CHRM3: variants seen among roughly 807,000 people sequenced by gnomAD.
CHRM3 encodes the protein cholinergic receptor muscarinic 3.
CHRM3 carries 11 observed loss-of-function variants against 41.8 expected under a neutral mutation model. That is an observed-to-expected ratio of 0.26 (90% CI 0.17 to 0.44). The LOEUF (loss-of-function observed/expected upper bound fraction) is 0.44, where lower values mean the gene tolerates loss of function less well. Ranked by LOEUF, CHRM3 falls within the 20% of genes least tolerant of loss-of-function variation. The pLI is 1.00. For missense variants in CHRM3, 571 were observed against 745.4 expected, an observed-to-expected ratio of 0.77 and a Z score of 2.72; for synonymous variants, 297 against 301.4, an observed-to-expected ratio of 0.99 and a Z score of 0.15.
chr1:239,531,545 A>G (rs1670402284), intron 2 of CHRM3, among the ~76,000 whole-genome samples: 1 of 149,928 alleles, frequency 6.7e-6, no homozygotes, highest in Non-Finnish European at 1.5e-5. Context: ...AAAAGGAGTT[A>G]TGAATTAAGT....
chr1:239,820,751 G>A (rs10802807), intron 5 of CHRM3, among the ~76,000 whole-genome samples: 23,761 of 152,012 alleles, frequency 0.16, 2,315 homozygotes, highest in East Asian at 0.21. Context: ...TTGCTGTTCT[G>A]CATTCCAGAA....
chr1:239,579,568 C>T (rs1662676714), intron 3 of CHRM3, among the ~76,000 whole-genome samples: 1 of 152,050 alleles, frequency 6.6e-6, no homozygotes, highest in South Asian at 2.1e-4. Context: ...TTAGAGTAGC[C>T]CTTGAATAAT....
chr1:239,474,565 G>A (rs994463097), intron 1 of CHRM3, among the ~76,000 whole-genome samples: 1 of 152,014 alleles, frequency 6.6e-6, no homozygotes, highest in Non-Finnish European at 1.5e-5. Flanking sequence ...GTCTAGTTAT[G>A]CTCAATACAT....
At chr1:239,435,427 C>A (rs985594742) in intron 1 of CHRM3, among the ~76,000 whole-genome samples, 21 of 146,144 alleles carry the variant, frequency 1.4e-4, no homozygotes, top group Non-Finnish European at 2.8e-4. Flanking sequence ...CCAGCCTGGG[C>A]GACAGAGCGA....
rs544596056 is a variant in CHRM3, at chr1:239,404,114, C to T, written c.-521+16887C>T. ...CCATCCTGGCTAACACAGTGAAACC[C>T]CGTCTCTACCAAAAATACAAAAAAA... On this transcript the variant is annotated intron_variant, in intron 1 of 6. Coordinates refer to ENST00000676153, the MANE Select transcript of CHRM3 (RefSeq NM_001375978.1). 1.4e-3 allele frequency among the ~76,000 whole-genome samples: 213 copies of T among 150,314 alleles called. 1 individual carries two copies. Among genetic ancestry groups the T allele is most frequent in the South Asian group, 2.3e-3 (11 of 4,712 alleles).
intron 1 of CHRM3, among the ~76,000 whole-genome samples, chr1:239,411,286 G>A (rs938865506): frequency 7.9e-5 from 12 of 152,068 alleles, no homozygotes; most frequent in Non-Finnish European, 1.8e-4. Context: ...TGGGTTAGGT[G>A]GCCTGGATCT....
intron 6 of CHRM3, among the ~76,000 whole-genome samples, chr1:239,828,099 T>C (rs1239958479): frequency 6.6e-6 from 1 of 152,174 alleles, no homozygotes; most frequent in African/African-American, 2.4e-5. Context: ...CTGCTCCCTT[T>C]GAGATTCTGT....
At chr1:239,822,199 G>A (rs896674882) in intron 5 of CHRM3, among the ~76,000 whole-genome samples, 7 of 152,084 alleles carry the variant, frequency 4.6e-5, no homozygotes, top group East Asian at 1.9e-4. Flanking sequence ...TATATCTTTC[G>A]AAAGTATGGC....
intron 3 of CHRM3, among the ~76,000 whole-genome samples, chr1:239,571,115 C>T (rs1005455701): frequency 2.6e-5 from 4 of 151,966 alleles, no homozygotes; most frequent in Admixed American, 1.3e-4. Flanking sequence ...CTGGATAACC[C>T]GAATCTACCC....
chr1:239,727,552 A>G (rs1204718531), intron 5 of CHRM3: 1 of 151,970 alleles, frequency 6.6e-6, no homozygotes, highest in East Asian at 1.9e-4. Flanking sequence ...TTAATTGGGC[A>G]TTCTGCCTCC....
intron 5 of CHRM3, among the ~76,000 whole-genome samples, chr1:239,819,285 A>G (rs1234297756): frequency 6.6e-6 from 1 of 152,166 alleles, no homozygotes; most frequent in African/African-American, 2.4e-5. Context: ...GTCCCCCTGC[A>G]GGAGATCTCT....
At chr1:239,684,247 T>C (rs933402676) in intron 5 of CHRM3, among the ~76,000 whole-genome samples, 7 of 152,264 alleles carry the variant, frequency 4.6e-5, no homozygotes, top group Non-Finnish European at 1.0e-4. Context: ...GCCCAGTCCC[T>C]GGGTGAGTCC....
intron 6 of CHRM3, among the ~76,000 whole-genome samples, chr1:239,893,334 AG>A (rs963007088): frequency 1.3e-5 from 2 of 152,224 alleles, no homozygotes; most frequent in Admixed American, 1.3e-4. Flanking sequence ...CAAGGGCAAG[AG>A]GACTGAGTTT....
intron 1 of CHRM3, among the ~76,000 whole-genome samples, chr1:239,439,094 T>C (rs1297931990): frequency 6.6e-6 from 1 of 152,216 alleles, no homozygotes; most frequent in Non-Finnish European, 1.5e-5. Context: ...TGTGAAAATC[T>C]GCAGGCTCAG....
chr1:239,662,874 C>T lies in CHRM3; in HGVS notation c.-249-15312C>T, dbSNP rs115478024. On this transcript the variant is annotated intron_variant, in intron 4 of 6. Transcript: ENST00000676153. The stretch of plus-strand genomic sequence containing the variant: ...CTTCCTTCTCCTTCTCCTTTCTCCT[C>T]TTTCTCCTCTTCCTCCTCCTCTTCT... Among the ~76,000 whole-genome samples the T allele has an allele frequency of 2.2e-3, 320 of 148,162 alleles. 2 individuals are homozygous for T. The highest frequency in any genetic ancestry group is 7.5e-3 in the African/African-American group (297 of 39,738).
At chr1:239,463,568 T>G (rs1303431138) in intron 1 of CHRM3, among the ~76,000 whole-genome samples, 1 of 152,190 alleles carries the variant, frequency 6.6e-6, no homozygotes, top group Non-Finnish European at 1.5e-5. Flanking sequence ...ATTATTCAAT[T>G]GATACATTTT....
chr1:239,772,667 C>A (rs1460190483), intron 5 of CHRM3, among the ~76,000 whole-genome samples: 1 of 152,070 alleles, frequency 6.6e-6, no homozygotes, highest in Non-Finnish European at 1.5e-5. Context: ...TCCTATCTTC[C>A]AGTCCTTTTT....
intron 5 of CHRM3, among the ~76,000 whole-genome samples, chr1:239,756,144 G>A (rs1443632142): frequency 1.3e-5 from 2 of 152,146 alleles, no homozygotes; most frequent in East Asian, 1.9e-4. Flanking sequence ...GGCAAAGCCC[G>A]CAATTACATT....
At chr1:239,553,811 T>A (rs915861749) in intron 3 of CHRM3, among the ~76,000 whole-genome samples, 1 of 152,184 alleles carries the variant, frequency 6.6e-6, no homozygotes, top group Admixed American at 6.5e-5. Context: ...CCCTCAACTA[T>A]GTTATTTATC....
Sources: allele counts gnomAD v4.1 joint callset (sites outside exome capture counted in the v4.1 genomes callset), GRCh38; gene constraint gnomAD v4.1.1; transcripts MANE v1.5; gene names NCBI Gene and HGNC (gene_info 2026-07-23, HGNC 2026-07-21).